ROS1: variants seen among roughly 807,000 people sequenced by gnomAD.
ROS1 encodes the protein ROS proto-oncogene 1, receptor tyrosine kinase, also known as proto-oncogene tyrosine-protein kinase ROS.
In ROS1, 263 loss-of-function variants were observed where a neutral mutation model predicts 273.5. The ratio of observed to expected loss-of-function variants is 0.96; its 90% confidence interval spans 0.87 to 1.06. The LOEUF is 1.06. ROS1 is among the 50% of genes least tolerant of loss of function. ROS1 has a pLI of 0.00. For missense variants in ROS1, 2,833 were observed against 2,751.1 expected (o/e 1.03, Z -0.67); for synonymous variants, 1,008 against 954.1 (o/e 1.06, Z -1.04).
Position 117,387,899 on chromosome 6 carries a change from G to T in ROS1, c.1880C>A (p.Thr627Asn), listed in dbSNP as rs148952125. 1.5e-5 allele frequency: 24 copies of T among 1,614,058 alleles called. No homozygotes were observed. In the African/African-American group the frequency reaches 3.2e-4, roughly 22 times the overall value. Reference protein sequence around the residue: ...VTHIFLNISGTMLNVPELQSA... With the variant: ...VTHIFLNISGNMLNVPELQSA... ...CTGCAGCTCAGGTACATTCAGCATG[G>T]TTCCACTTATGTTCAAGAAAATATG... is the stretch of plus-strand genomic sequence containing the variant. The change falls in exon 14 of 44, where the codon ACC becomes AAC. Residue 627 changes from threonine to asparagine, a missense_variant. Thr to Asn is a moderately conservative substitution (Grantham distance 65). Transcript: ENST00000368507.
At chr6:117,343,050 A>G (rs117613644) in intron 28 of ROS1, among the ~76,000 whole-genome samples, 1,970 of 151,532 alleles carry the variant, frequency 0.013, 19 homozygotes, top group Middle Eastern at 0.024. Context: ...ATTCTGATTG[A>G]GTTATCTGGG....
intron 4 of ROS1, among the ~76,000 whole-genome samples, chr6:117,410,682 G>A (rs9385011): frequency 0.16 from 24,891 of 151,984 alleles, 2,152 homozygotes; most frequent in South Asian, 0.2. Context: ...TAATACCTAG[G>A]ACAACATGCT....
chr6:117,307,056 ATAT>A (rs1270455030), intron 42 of ROS1, among the ~76,000 whole-genome samples: 2 of 152,168 alleles, frequency 1.3e-5, no homozygotes, highest in East Asian at 3.9e-4. Flanking sequence ...ACTGTATAGA[ATAT>A]TATATTTTTC....
intron 15 of ROS1, among the ~76,000 whole-genome samples, 179 bp downstream of exon 15, chr6:117,386,710 C>T (rs531252166): frequency 6.6e-6 from 1 of 152,334 alleles, no homozygotes; most frequent in African/African-American, 2.4e-5. Flanking sequence ...AAATAGCGTT[C>T]CTATCTAAGA....
At chr6:117,367,897 A>T (rs992013083) in intron 18 of ROS1, among the ~76,000 whole-genome samples, 1 of 152,118 alleles carries the variant, frequency 6.6e-6, no homozygotes, top group African/African-American at 2.4e-5. Flanking sequence ...AAACAGGGAA[A>T]ATCAATCCCG....
At chr6:117,353,554 T>G (rs1233795741) in intron 26 of ROS1, among the ~76,000 whole-genome samples, 1 of 152,204 alleles carries the variant, frequency 6.6e-6, no homozygotes, top group Non-Finnish European at 1.5e-5. Context: ...TCAGTGCATT[T>G]CTCAATATTT....
intron 20 of ROS1, 142 bp from the exon 21 acceptor site, chr6:117,365,346 T>C: frequency 1.1e-6 from 1 of 890,884 alleles, no homozygotes; most frequent in Non-Finnish European, 1.7e-6. Context: ...TGGCAAGTTC[T>C]GTGTTGTGCC....
intron 43 of ROS1, among the ~76,000 whole-genome samples, chr6:117,300,305 C>T (rs111935330): frequency 6.6e-6 from 1 of 151,608 alleles, no homozygotes; most frequent in Non-Finnish European, 1.5e-5. Flanking sequence ...CAGACTAGAT[C>T]TTAGCAAGAC....
intron 19 of ROS1, 30 bp downstream of exon 19, chr6:117,366,046 A>G: frequency 1.3e-6 from 2 of 1,502,214 alleles, no homozygotes; most frequent in South Asian, 2.3e-5. Flanking sequence ...GGTATAGTGG[A>G]GTAGGGTAAG....
At chr6:117,404,187 C>T (rs188387704) in intron 6 of ROS1, 93 bp downstream of exon 6, 1 of 1,235,362 alleles carries the variant, frequency 8.1e-7, no homozygotes, top group African/African-American at 1.5e-5. Context: ...CGCCACTGCA[C>T]TCCAGCCTGG....
In ROS1 at chr6:117,389,753, A is replaced by G. The variant is rs1285168992; in HGVS notation, c.1383T>C (p.Ser461=). ...TGATTGCAAAGTCCTTTAACGTGCA[A>G]CTCTCCACAATACGCACAGCTTCTG... The part of the protein sequence containing the change: ...RCAEAVRIVE[S]CTLKDFAIKP... The change falls in exon 13 of 44, where the codon AGT becomes AGC. Residue 461 remains serine, a synonymous_variant. Coordinates refer to ENST00000368507, the MANE Select transcript of ROS1 (RefSeq NM_001378902.1). The G allele has an allele frequency of 6.2e-7, 1 of 1,613,726 alleles. No individual in the cohort carries two copies. Among genetic ancestry groups the G allele is most frequent in the Non-Finnish European group, 8.5e-7 (1 of 1,179,954 alleles).
chr6:117,319,845 A>G (rs1183975949), intron 37 of ROS1, 23 bp downstream of exon 37: 2 of 1,605,080 alleles, frequency 1.2e-6, no homozygotes, highest in South Asian at 2.2e-5. Flanking sequence ...TAATGTGTCA[A>G]GGAGTTCGAA....
chr6:117,296,117 G>C (rs1022276009), intron 43 of ROS1, among the ~76,000 whole-genome samples: 1 of 152,180 alleles, frequency 6.6e-6, no homozygotes, highest in East Asian at 1.9e-4. Flanking sequence ...AAATGGATAG[G>C]CCAGGCTCAG....
intron 43 of ROS1, among the ~76,000 whole-genome samples, chr6:117,298,458 T>TTCTA (rs1774424900): frequency 6.6e-6 from 1 of 152,244 alleles, no homozygotes; most frequent in South Asian, 2.1e-4. Flanking sequence ...ACTGATGTTT[T>TTCTA]TCTATCTTAG....
chr6:117,409,501 A>G, intron 5 of ROS1, 81 bp downstream of exon 5: 1 of 922,318 alleles, frequency 1.1e-6, no homozygotes, highest in South Asian at 1.3e-5. Context: ...ATGTTTTGAG[A>G]GGTGTTTCGT....
chr6:117,301,171 GCAATTGGATA>G (rs776907115), intron 42 of ROS1, 34 bp from the exon 43 acceptor site: 42 of 1,531,808 alleles, frequency 2.7e-5, no homozygotes, highest in Non-Finnish European at 1.8e-6. Context: ...AAAGTAAATA[GCAATTGGATA>G]TAATTACTGA....
At chr6:117,401,775 A>T (rs1279377218) in intron 7 of ROS1, among the ~76,000 whole-genome samples, 2 of 151,186 alleles carry the variant, frequency 1.3e-5, no homozygotes, top group Admixed American at 1.3e-4. Flanking sequence ...TATTAAAAAT[A>T]TAATACAAAA....
intron 7 of ROS1, among the ~76,000 whole-genome samples, chr6:117,397,825 C>T (rs1027027178): frequency 6.6e-6 from 1 of 152,192 alleles, no homozygotes; most frequent in Non-Finnish European, 1.5e-5. Context: ...AGCCTAGCTT[C>T]CATCTGTGTC....
intron 18 of ROS1, among the ~76,000 whole-genome samples, chr6:117,376,200 G>A (rs1013655403): frequency 2.0e-5 from 3 of 151,954 alleles, no homozygotes; most frequent in Non-Finnish European, 4.4e-5. Flanking sequence ...AGGATATCAC[G>A]ACAGACCCTA....
Sources: allele counts gnomAD v4.1 joint callset (sites outside exome capture counted in the v4.1 genomes callset), GRCh38; gene constraint gnomAD v4.1.1; transcripts MANE v1.5; gene names NCBI Gene and HGNC (gene_info 2026-07-23, HGNC 2026-07-21).